CA8: variants seen among roughly 807,000 people sequenced by gnomAD.
CA8 encodes carbonic anhydrase 8 (inactive).
Under a neutral mutation model 41.4 loss-of-function variants are expected in CA8, and 22 were observed. The observed-to-expected ratio is 0.53, with a 90% CI of 0.38 to 0.76. The LOEUF is 0.76. Among genes scored for constraint, CA8 ranks in the 30% least tolerant of loss-of-function variants. The probability of loss-of-function intolerance (pLI) is 0.00; values close to 1 mark genes in which losing one functional copy is unlikely to be tolerated. For synonymous variants in CA8, 121 were observed against 130.6 expected, an observed-to-expected ratio of 0.93 and a Z score of 0.50; for missense variants, 270 against 352.8, an observed-to-expected ratio of 0.77 and a Z score of 1.88.
chr8:60,212,424 T>C (rs934127993), intron 7 of CA8, among the ~76,000 whole-genome samples: 2 of 152,196 alleles, frequency 1.3e-5, no homozygotes, highest in Non-Finnish European at 2.9e-5. Context: ...AACCCATCTA[T>C]GGACATTTAT....
chr8:60,280,651 A>G (rs541748277), intron 1 of CA8, among the ~76,000 whole-genome samples: 20 of 152,358 alleles, frequency 1.3e-4, no homozygotes, highest in Middle Eastern at 3.4e-3. Context: ...AAAGTCTCCA[A>G]GCCAAAAACG....
In CA8 at chr8:60,208,543, T is replaced by C; in HGVS notation, c.*35+207A>G. The C allele has an allele frequency of 8.8e-6, 5 of 567,958 alleles. No homozygotes were observed. The South Asian group carries it at 1.0e-4, about 12-fold the overall frequency. 35.2% of individuals were successfully genotyped at this position (567,958 alleles called of 1,614,324 possible). A position where few individuals can be genotyped will look rare whatever the true frequency, so the allele number is the denominator to read the frequency against. The stretch of plus-strand genomic sequence containing the variant: ...TAAAGGCTACTCTGATAGGAAAATA[T>C]AATCATAGTTTTTCTTCAATACTGC... On this transcript the variant is annotated intron_variant, in intron 8 of 8. Transcript: ENST00000317995.
intron 8 of CA8, among the ~76,000 whole-genome samples, chr8:60,193,578 T>C (rs1036336795): frequency 1.3e-5 from 2 of 152,222 alleles, no homozygotes; most frequent in African/African-American, 2.4e-5. Context: ...GTAAGGAATT[T>C]GGTGGGTTGT....
chr8:60,269,803 T>G (rs1253248249), intron 2 of CA8, among the ~76,000 whole-genome samples: 1 of 152,014 alleles, frequency 6.6e-6, no homozygotes, highest in East Asian at 1.9e-4. Flanking sequence ...GTCTCAGTGG[T>G]TAAAAAAGTA....
chr8:60,231,623 C>T (rs1051559657), intron 4 of CA8, among the ~76,000 whole-genome samples: 6 of 152,316 alleles, frequency 3.9e-5, no homozygotes, highest in Admixed American at 2.0e-4. Context: ...TCCAGATACT[C>T]TTTCACCTCT....
At chr8:60,248,076 T>C (rs1808312117) in intron 3 of CA8, among the ~76,000 whole-genome samples, 1 of 151,956 alleles carries the variant, frequency 6.6e-6, no homozygotes, top group Non-Finnish European at 1.5e-5. Flanking sequence ...TCTGTTCATA[T>C]ACTTTGCCCA....
intron 8 of CA8, among the ~76,000 whole-genome samples, chr8:60,207,807 G>C (rs1806683620): frequency 6.6e-6 from 1 of 152,202 alleles, no homozygotes; most frequent in Admixed American, 6.5e-5. Flanking sequence ...CCAGGCTGGA[G>C]AACAGTGGTG....
chr8:60,254,371 A>G (rs1005382277), intron 3 of CA8, among the ~76,000 whole-genome samples: 1 of 152,170 alleles, frequency 6.6e-6, no homozygotes, highest in African/African-American at 2.4e-5. Flanking sequence ...CCAACGGTAC[A>G]GCCTTGATTC....
chr8:60,246,095 C>T (rs1444998185), intron 3 of CA8, among the ~76,000 whole-genome samples: 2 of 152,120 alleles, frequency 1.3e-5, no homozygotes, highest in Non-Finnish European at 2.9e-5. Flanking sequence ...ACTAGAGACT[C>T]GACTTCCCAG....
rs1804404560 is a variant in CA8 at position 60,281,038 on chromosome 8, G to C, written c.100+10C>G. 4.4e-6 allele frequency: 7 copies of C among 1,601,592 alleles called. No homozygotes were observed. The highest frequency in any genetic ancestry group is 1.1e-5 in the South Asian group (1 of 90,862). The stretch of plus-strand genomic sequence containing the variant: ...CGGGACCCCGGACACCCCGACTCGC[G>C]GCCACTTACCTTCCTCGTAGCCCCA... On this transcript the variant is annotated intron_variant, in intron 1 of 8. Coordinates refer to ENST00000317995, the MANE Select transcript of CA8 (RefSeq NM_004056.6).
chr8:60,246,284 G>T (rs1427547444), intron 3 of CA8, among the ~76,000 whole-genome samples: 2 of 151,894 alleles, frequency 1.3e-5, no homozygotes, highest in Non-Finnish European at 2.9e-5. Context: ...GCATTTCTGG[G>T]GGGGGTTGAG....
rs140586465 is a variant in CA8 at position 60,222,346 on chromosome 8, C to T, written c.738+303G>A. On this transcript the variant is annotated intron_variant, in intron 7 of 8. Coordinates refer to ENST00000317995, the MANE Select transcript of CA8 (RefSeq NM_004056.6). The stretch of plus-strand genomic sequence containing the variant: ...ATCCCCACTTTACGTCCAGACTTTC[C>T]ATTCTCCACACCTGGGGAAATTCAC... Among the ~76,000 whole-genome samples the T allele has an allele frequency of 3.0e-3, 456 of 152,302 alleles. 1 individual carries two copies. The highest frequency in any genetic ancestry group is 0.01 in the African/African-American group (423 of 41,562).
chr8:60,257,447 T>C (rs1808679503), intron 3 of CA8, among the ~76,000 whole-genome samples: 1 of 152,166 alleles, frequency 6.6e-6, no homozygotes. Context: ...TAGATAAGTT[T>C]TATAGGCAGG....
chr8:60,274,921 C>A (rs989007251), intron 2 of CA8, among the ~76,000 whole-genome samples: 5 of 152,082 alleles, frequency 3.3e-5, no homozygotes, highest in Non-Finnish European at 7.4e-5. Context: ...AAACTGAAAA[C>A]AGAAAAACAG....
chr8:60,267,227 GGAA>G (rs1179555780), intron 2 of CA8, among the ~76,000 whole-genome samples: 6 of 152,180 alleles, frequency 3.9e-5, no homozygotes, highest in Non-Finnish European at 5.9e-5. Context: ...GCATAAATTA[GGAA>G]GAAGAACAAG....
chr8:60,280,936 G>C, intron 1 of CA8, 112 bp downstream of exon 1: 1 of 770,100 alleles, frequency 1.3e-6, no homozygotes, highest in Non-Finnish European at 2.2e-6. Context: ...GTGGGAAAGA[G>C]GGGGCGTGGG....
At chr8:60,256,520 A>G (rs1808645716) in intron 3 of CA8, among the ~76,000 whole-genome samples, 1 of 152,228 alleles carries the variant, frequency 6.6e-6, no homozygotes, top group Non-Finnish European at 1.5e-5. Flanking sequence ...CAAGCACAGC[A>G]AAGCAGTAGC....
chr8:60,254,175 T>C (rs1172739002), intron 3 of CA8, among the ~76,000 whole-genome samples: 1 of 152,240 alleles, frequency 6.6e-6, no homozygotes, highest in African/African-American at 2.4e-5. Context: ...TTTTTTACAT[T>C]CTATATTTAT....
intron 2 of CA8, among the ~76,000 whole-genome samples, chr8:60,275,397 G>A (rs1474778151): frequency 1.3e-5 from 2 of 151,598 alleles, no homozygotes; most frequent in Admixed American, 6.6e-5. Context: ...GGATAGAAAA[G>A]AAGCAATATA....
Sources: allele counts gnomAD v4.1 joint callset (sites outside exome capture counted in the v4.1 genomes callset), GRCh38; gene constraint gnomAD v4.1.1; transcripts MANE v1.5; gene names NCBI Gene and HGNC (gene_info 2026-07-23, HGNC 2026-07-21).